The following LAMA3 variants were observed in gnomAD, a reference collection of about 807,000 sequenced individuals.
LAMA3 encodes the protein laminin subunit alpha-3.
In LAMA3, 281 loss-of-function variants were observed where a neutral mutation model predicts 402.0. The ratio of observed to expected loss-of-function variants is 0.70; its 90% CI spans 0.63 to 0.77. The LOEUF (loss-of-function observed/expected upper bound fraction) is 0.77. LAMA3 is among the 30% of genes least tolerant of loss of function. LAMA3 has a pLI of 0.00. For missense variants in LAMA3, 3,840 were observed against 4,215.5 expected, an observed-to-expected ratio of 0.91 and a Z score of 2.47; for synonymous variants, 1,431 against 1,558.4, an observed-to-expected ratio of 0.92 and a Z score of 1.93.
intron 37 of LAMA3, 33 bp downstream of exon 37, chr18:23,867,950 C>A: frequency 6.6e-7 from 1 of 1,510,378 alleles, no homozygotes; most frequent in Non-Finnish European, 9.2e-7. Context: ...ATGGTCCTTT[C>A]TGTTTTGTGA....
At chr18:23,772,301 G>A (rs2337185) in intron 8 of LAMA3, among the ~76,000 whole-genome samples, 120,599 of 152,166 alleles carry the variant, frequency 0.79, 48,527 homozygotes, top group African/African-American at 0.94. Flanking sequence ...TGGCCTCCCA[G>A]ACTGCTGGGA....
chr18:23,943,383 A>G lies in LAMA3; in HGVS notation c.9027-405A>G, dbSNP rs72875935. Among the ~76,000 whole-genome samples, 476 of 152,362 alleles carry G rather than the reference A, an allele frequency of 3.1e-3. 1 individual carries two copies. Among genetic ancestry groups the G allele is most frequent in the Middle Eastern group, 0.02 (6 of 294 alleles). The stretch of plus-strand genomic sequence containing the variant: ...CGAGATTGATTGTACAACAATCTGA[A>G]TGTACTTAACAGTACTGAACTATAC... On this transcript the variant is annotated intron_variant, in intron 68 of 74. Transcript: ENST00000313654.
intron 8 of LAMA3, among the ~76,000 whole-genome samples, chr18:23,764,503 T>A (rs1444631303): frequency 6.6e-6 from 1 of 152,176 alleles, no homozygotes; most frequent in Non-Finnish European, 1.5e-5. Context: ...TTTGTTATTC[T>A]TCATCATTCT....
At chr18:23,885,993 T>A (rs1230345994) in intron 41 of LAMA3, among the ~76,000 whole-genome samples, 1 of 152,338 alleles carries the variant, frequency 6.6e-6, no homozygotes, top group East Asian at 1.9e-4. Context: ...TCTAATACTA[T>A]GTTAGTAATA....
At chr18:23,944,764 CCAGAT>C (rs2082647045) in intron 69 of LAMA3, among the ~76,000 whole-genome samples, 1 of 152,116 alleles carries the variant, frequency 6.6e-6, no homozygotes, top group African/African-American at 2.4e-5. Context: ...AAGACAGAGC[CCAGAT>C]CATTTAAGCT....
At chr18:23,822,611 C>T (rs2063307763) in intron 20 of LAMA3, among the ~76,000 whole-genome samples, 1 of 152,128 alleles carries the variant, frequency 6.6e-6, no homozygotes, top group African/African-American at 2.4e-5. Flanking sequence ...GATATAACAA[C>T]CTATGTACCT....
At chr18:23,803,462 C>G (rs967487637) in intron 12 of LAMA3, among the ~76,000 whole-genome samples, 3 of 152,192 alleles carry the variant, frequency 2.0e-5, no homozygotes, top group Non-Finnish European at 2.9e-5. Context: ...ATCCACAGAA[C>G]AGATCCTCCT....
intron 36 of LAMA3, 42 bp from the exon 37 acceptor site, chr18:23,867,792 C>A (rs1348278064): frequency 1.4e-6 from 2 of 1,408,326 alleles, no homozygotes; most frequent in Admixed American, 1.7e-5. Context: ...CTTGAAAGAT[C>A]CCAGTGAAGG....
Position 23,928,164 on chromosome 18 carries a change from A to T in LAMA3, c.8219A>T (p.Asn2740Ile), listed in dbSNP as rs1235636159. 6 of 1,614,118 alleles carry T rather than the reference A, an allele frequency of 3.7e-6. No homozygotes were observed. The highest frequency in any genetic ancestry group is 5.1e-6 in the Non-Finnish European group (6 of 1,179,944). The change falls in exon 63 of 75, where the codon AAT becomes ATT. Residue 2740 changes from asparagine (N) to isoleucine (I), a missense_variant. Transcript: ENST00000313654. ...STPAFRGCMKNLKKTSGVVRL... is the reference protein window; with the variant it reads ...STPAFRGCMKILKKTSGVVRL... ...CCTGCTTTCCGAGGCTGCATGAAAA[A>T]TTTGAAGAAAACCAGTGGTGTCGTT...
chr18:23,948,781 G>T (rs965785427), intron 70 of LAMA3, among the ~76,000 whole-genome samples: 3 of 152,002 alleles, frequency 2.0e-5, no homozygotes, highest in Non-Finnish European at 2.9e-5. Flanking sequence ...TGTTGGCCAG[G>T]CTGGCCTCAA....
chr18:23,780,757 G>A (rs2062421273), intron 11 of LAMA3, among the ~76,000 whole-genome samples: 1 of 152,192 alleles, frequency 6.6e-6, no homozygotes, highest in Non-Finnish European at 1.5e-5. Flanking sequence ...TTTGCACAAA[G>A]ATGCCCCATG....
rs372275318 is a variant in LAMA3 at position 23,847,512 on chromosome 18, G to A, written c.3980G>A (p.Arg1327His). ...RLCEEMTGQCRCPPRTVRPQC... is the reference protein window; with the variant it reads ...RLCEEMTGQCHCPPRTVRPQC... ...TGTGAAGAGATGACGGGGCAGTGCC[G>A]CTGCCCTCCCCGCACGGTCAGGCCC... Residue 1327 changes from arginine to histidine, a missense_variant, in exon 32 of 75, where the codon CGC (arginine) becomes CAC (histidine). Around this residue, in one of 3 missense-constraint regions of LAMA3, gnomAD observed 2,109 missense variants for 2,376.0 expected, o/e 0.89. Transcript: ENST00000313654. 4.0e-5 allele frequency: 65 copies of A among 1,613,708 alleles called. No homozygotes were observed. The highest frequency in any genetic ancestry group is 3.8e-4 in the South Asian group (35 of 91,090).
intron 2 of LAMA3, among the ~76,000 whole-genome samples, chr18:23,732,088 G>A (rs2337186): frequency 0.6 from 90,655 of 151,908 alleles, 27,557 homozygotes; most frequent in Middle Eastern, 0.67. Context: ...CCAAACCTTA[G>A]TGTGCATCTG....
chr18:23,839,748 T>C lies in LAMA3; in HGVS notation c.3192-37T>C. Reference sequence around the variant, plus strand: ...TGGTCAGTTCTGTAGCTTTGGGTTCTTTTAAAAATCAGATTTTTAAATATT... The same window carrying C: ...TGGTCAGTTCTGTAGCTTTGGGTTCCTTTAAAAATCAGATTTTTAAATATT... On this transcript the variant is annotated intron_variant, in intron 26 of 74. Coordinates refer to ENST00000313654, the MANE Select transcript of LAMA3 (RefSeq NM_198129.4). The surrounding 1 kb of genome is among the most constrained non-coding windows in gnomAD (Gnocchi z 4.5). 1.2e-6 allele frequency: 2 copies of C among 1,612,156 alleles called. No homozygotes were observed. Among genetic ancestry groups the C allele is most frequent in the South Asian group, 1.1e-5 (1 of 91,012 alleles).
rs568714505 is a variant in LAMA3 at position 23,884,873 on chromosome 18, C to T, written c.5303+20C>T. ...TGAAAGGTAAGGTGGGCGCCCCTCCCGCCTCAGCCTGCAGAGGGGGCGGGG... is the reference window on the plus strand; with the variant it reads ...TGAAAGGTAAGGTGGGCGCCCCTCCTGCCTCAGCCTGCAGAGGGGGCGGGG... On this transcript the variant is annotated intron_variant, in intron 41 of 74. Coordinates refer to ENST00000313654, the MANE Select transcript of LAMA3 (RefSeq NM_198129.4). 16 of 1,592,728 alleles carry T rather than the reference C, an allele frequency of 1.0e-5. No individual in the cohort carries two copies. The highest frequency in any genetic ancestry group is 3.4e-5 in the South Asian group (3 of 89,122).
At chr18:23,789,830 T>G (rs549323828) in intron 12 of LAMA3, among the ~76,000 whole-genome samples, 23 of 152,216 alleles carry the variant, frequency 1.5e-4, no homozygotes, top group Non-Finnish European at 3.2e-4. Context: ...TATATGAATT[T>G]TATCTCAATA....
At chr18:23,947,362 G>A (rs980053198) in intron 70 of LAMA3, among the ~76,000 whole-genome samples, 2 of 152,142 alleles carry the variant, frequency 1.3e-5, no homozygotes, top group Admixed American at 6.5e-5. Context: ...ACTGTCCTCC[G>A]CCTTAATGCA....
chr18:23,867,552 CAAAAAAAAAAAAAAAAGA>C (rs2064391797), intron 36 of LAMA3, among the ~76,000 whole-genome samples: 1 of 96,362 alleles, frequency 1.0e-5, no homozygotes, highest in Admixed American at 1.1e-4. Flanking sequence ...CCATCCCTGC[CAAAAAAAAAAAAAAAAGA>C]AAAAAAAAAG....
At chr18:23,842,875 T>A in intron 29 of LAMA3, 125 bp downstream of exon 29, 1 of 1,227,350 alleles carries the variant, frequency 8.1e-7, no homozygotes, top group Non-Finnish European at 1.2e-6. Context: ...GAAAAATGTT[T>A]AAATTTTACA....
Sources: allele counts gnomAD v4.1 joint callset (sites outside exome capture counted in the v4.1 genomes callset), GRCh38; gene constraint gnomAD v4.1.1; regional missense constraint gnomAD v4.1.1; non-coding constraint Gnocchi (gnomAD v3.1); transcripts MANE v1.5; gene names NCBI Gene and HGNC (gene_info 2026-07-23, HGNC 2026-07-21).